The following DGKI variants were observed in gnomAD, a reference collection of about 807,000 sequenced individuals.
DGKI encodes the protein DAG kinase iota.
DGKI carries 55 observed loss-of-function variants against 147.5 expected under a neutral mutation model. The observed-to-expected ratio is 0.37, with a 90% CI of 0.30 to 0.47. The LOEUF is 0.47. Ranked by LOEUF, DGKI falls within the 20% of genes least tolerant of loss-of-function variation. The pLI, the probability that DGKI is intolerant of heterozygous loss-of-function variation, is 1.00. For synonymous variants in DGKI, 469 were observed against 477.1 expected (o/e 0.98, Z 0.22); for missense variants, 1,007 against 1,323.8 (o/e 0.76, Z 3.71).
At chr7:137,698,833 G>T (rs965257401) in intron 1 of DGKI, among the ~76,000 whole-genome samples, 5 of 152,176 alleles carry the variant, frequency 3.3e-5, no homozygotes, top group African/African-American at 1.2e-4. Context: ...CAGATGTCTG[G>T]CTCCAAAGGC....
intron 18 of DGKI, 70 bp downstream of exon 18, chr7:137,572,695 T>C (rs1329449294): frequency 9.3e-7 from 1 of 1,076,262 alleles, no homozygotes; most frequent in Non-Finnish European, 1.4e-6. Flanking sequence ...GAAACTTTTC[T>C]GTTATGAAAA....
rs545632888 is a variant in DGKI, at chr7:137,717,489, T to G, written c.402-27487A>C. 2.6e-5 allele frequency among the ~76,000 whole-genome samples: 4 copies of G among 152,326 alleles called. No homozygotes were observed. In the South Asian group the frequency reaches 8.3e-4, roughly 32 times the overall value. Reference sequence around the variant, plus strand: ...TAAGTGATATTAACATTTTAGAAGATGCTATGGAGCTTCTTGCAGGGCATA... The same window carrying G: ...TAAGTGATATTAACATTTTAGAAGAGGCTATGGAGCTTCTTGCAGGGCATA... On this transcript the variant is annotated intron_variant, in intron 1 of 32. Transcript: ENST00000614521.
intron 1 of DGKI, among the ~76,000 whole-genome samples, chr7:137,824,824 C>T (rs987742206): frequency 1.4e-4 from 22 of 152,142 alleles, no homozygotes; most frequent in Non-Finnish European, 4.4e-5. Flanking sequence ...GTTTTCTGTT[C>T]CTGTGTTAGT....
chr7:137,804,986 G>C (rs747313461), intron 1 of DGKI, among the ~76,000 whole-genome samples: 2 of 152,144 alleles, frequency 1.3e-5, no homozygotes, highest in Non-Finnish European at 2.9e-5. Context: ...AGTAAGTTAA[G>C]AGAAACCCCA....
At chr7:137,801,423 A>T (rs1797203096) in intron 1 of DGKI, among the ~76,000 whole-genome samples, 1 of 152,238 alleles carries the variant, frequency 6.6e-6, no homozygotes, top group East Asian at 1.9e-4. Context: ...ATAGCTATAA[A>T]GTATAGTGCA....
chr7:137,827,994 CCTCCACT>C (rs1353833830), intron 1 of DGKI, among the ~76,000 whole-genome samples: 1 of 152,186 alleles, frequency 6.6e-6, no homozygotes, highest in Non-Finnish European at 1.5e-5. Context: ...TGCTGCAGAT[CCTCCACT>C]CTCCACTCAG....
intron 21 of DGKI, among the ~76,000 whole-genome samples, chr7:137,514,539 C>T (rs1338245088): frequency 1.3e-5 from 2 of 152,184 alleles, no homozygotes; most frequent in Non-Finnish European, 2.9e-5. Flanking sequence ...ACAAGCTCTC[C>T]TGCTGTTTTT....
At chr7:137,419,096 C>G (rs1056975219) in intron 28 of DGKI, among the ~76,000 whole-genome samples, 3 of 152,208 alleles carry the variant, frequency 2.0e-5, no homozygotes, top group Admixed American at 2.0e-4. Context: ...CTCCCCCCTT[C>G]CCCAGGTCTG....
At chr7:137,764,521 G>C (rs548535707) in intron 1 of DGKI, among the ~76,000 whole-genome samples, 1 of 152,196 alleles carries the variant, frequency 6.6e-6, no homozygotes, top group East Asian at 1.9e-4. Flanking sequence ...CTTCTCTTGT[G>C]CTGGTCCACA....
At chr7:137,410,931 G>A (rs1434797765) in intron 29 of DGKI, among the ~76,000 whole-genome samples, 1 of 152,242 alleles carries the variant, frequency 6.6e-6, no homozygotes, top group Non-Finnish European at 1.5e-5. Flanking sequence ...ACTATGATCT[G>A]GGCAGTGGCA....
chr7:137,691,811 T>TTTTTTTTTTTTG (rs1823622804), intron 1 of DGKI, among the ~76,000 whole-genome samples: 1 of 145,730 alleles, frequency 6.9e-6, no homozygotes. Flanking sequence ...TTTTTTTTTT[T>TTTTTTTTTTTTG]TTTTTTTTTT....
At chr7:137,800,928 CTGTAGAATAAGAATTT>C (rs1459792894) in intron 1 of DGKI, among the ~76,000 whole-genome samples, 2 of 152,160 alleles carry the variant, frequency 1.3e-5, no homozygotes, top group East Asian at 3.9e-4. Flanking sequence ...ATCCACCATT[CTGTAGAATAAGAATTT>C]TGTAGAATTT....
At chr7:137,566,747 A>G (rs1818598458) in intron 19 of DGKI, among the ~76,000 whole-genome samples, 1 of 152,152 alleles carries the variant, frequency 6.6e-6, no homozygotes, top group South Asian at 2.1e-4. Context: ...GATCTGGCAG[A>G]ACCCCTCCCT....
chr7:137,846,632 C>G lies in DGKI; in HGVS notation c.231G>C (p.Gly77=). The change falls in exon 1 of 33, where the codon GGG becomes GGC. Residue 77 remains glycine (G), a synonymous_variant. Transcript: ENST00000614521. The surrounding 1 kb of genome is among the most constrained non-coding windows in gnomAD (Gnocchi z 4.0). ...CGCCCTCGGCGCCCAGGCAGCAGCT[C>G]CCGGCGCCGCTTCCGCTGCTGCTGC... The part of the protein sequence containing the change: ...GGSSSSGSGA[G]SCCLGAEGGA... 1 of 1,069,496 alleles carries G rather than the reference C, an allele frequency of 9.4e-7. No homozygotes were observed. The highest frequency in any genetic ancestry group is 1.1e-6 in the Non-Finnish European group (1 of 888,440). The allele number at this position is 1,069,496 out of a possible 1,614,324, so 66.3% of individuals were successfully genotyped here.
At chr7:137,647,791 T>TA (rs1361632979) in intron 5 of DGKI, among the ~76,000 whole-genome samples, 1 of 152,210 alleles carries the variant, frequency 6.6e-6, no homozygotes, top group African/African-American at 2.4e-5. Flanking sequence ...TGCTTAGGAA[T>TA]AAGGGTTAGG....
intron 1 of DGKI, among the ~76,000 whole-genome samples, chr7:137,724,902 G>A (rs1364524404): frequency 6.6e-6 from 1 of 152,128 alleles, no homozygotes; most frequent in Non-Finnish European, 1.5e-5. Flanking sequence ...GAAAAGAAAT[G>A]CTATACTCAT....
At chr7:137,429,158 C>T (rs1429967947) in intron 28 of DGKI, among the ~76,000 whole-genome samples, 2 of 152,094 alleles carry the variant, frequency 1.3e-5, no homozygotes, top group African/African-American at 2.4e-5. Flanking sequence ...AACTATACTA[C>T]AAGCCTACAG....
intron 19 of DGKI, among the ~76,000 whole-genome samples, chr7:137,561,596 A>C (rs1384119969): frequency 5.3e-5 from 8 of 152,200 alleles, no homozygotes; most frequent in Non-Finnish European, 1.0e-4. Flanking sequence ...GAAATGACAA[A>C]TGTTTGAGAT....
intron 14 of DGKI, among the ~76,000 whole-genome samples, chr7:137,584,702 C>A (rs922917873): frequency 6.6e-6 from 1 of 152,034 alleles, no homozygotes; most frequent in Non-Finnish European, 1.5e-5. Context: ...AAATAAAAGT[C>A]AATTTTTTTT....
Sources: allele counts gnomAD v4.1 joint callset (sites outside exome capture counted in the v4.1 genomes callset), GRCh38; gene constraint gnomAD v4.1.1; non-coding constraint Gnocchi (gnomAD v3.1); transcripts MANE v1.5; gene names NCBI Gene and HGNC (gene_info 2026-07-23, HGNC 2026-07-21).